Variants in CNOT1 observed in about 807,000 individuals in gnomAD.
CNOT1 encodes CCR4-NOT transcription complex subunit 1, also known as CCR4-associated factor 1.
Under a neutral mutation model 273.8 loss-of-function variants are expected in CNOT1, and 15 were observed. The observed-to-expected ratio is 0.05, with a 90% CI of 0.04 to 0.08. The LOEUF is 0.08. CNOT1 is among the 10% of genes least tolerant of loss of function. The pLI, the probability that CNOT1 is intolerant of heterozygous loss-of-function variation, is 1.00. For synonymous variants in CNOT1, 1,022 were observed against 1,005.5 expected (o/e 1.02, Z -0.31); for missense variants, 1,644 against 2,912.2 (o/e 0.56, Z 10.02).
chr16:58,608,959 CAGG>C (rs894636537), intron 1 of CNOT1, among the ~76,000 whole-genome samples: 3 of 152,116 alleles, frequency 2.0e-5, no homozygotes, highest in Non-Finnish European at 2.9e-5. Context: ...CTTGGGGATT[CAGG>C]AGGATTGGGG....
intron 39 of CNOT1, among the ~76,000 whole-genome samples, chr16:58,536,152 G>C (rs938859108): frequency 3.3e-5 from 5 of 152,110 alleles, no homozygotes; most frequent in African/African-American, 1.2e-4. Context: ...ATACCTAAAA[G>C]TTTTGGGTTC....
At position 58,538,860 on chromosome 16, in the gene CNOT1, G is replaced by A. The variant is rs1205775412; in HGVS notation, c.5047C>T (p.Arg1683Cys). The change falls in exon 36 of 49, where the codon CGC becomes TGC. Residue 1683 changes from arginine (R) to cysteine (C), a missense_variant. Around this residue, in one of 13 missense-constraint regions of CNOT1, gnomAD observed 170 missense variants for 273.1 expected, o/e 0.62. Coordinates refer to ENST00000317147, the MANE Select transcript of CNOT1 (RefSeq NM_016284.5). ...TSGADADLLL[R>C]YRECHLLVLK... ...ACCAAGAGGTGGCATTCCCTGTAGCGCAGCAGAAGGTCAGCATCAGCACCA... is the reference window on the plus strand; with the variant it reads ...ACCAAGAGGTGGCATTCCCTGTAGCACAGCAGAAGGTCAGCATCAGCACCA... 1.2e-6 allele frequency: 2 copies of A among 1,610,496 alleles called. No individual in the cohort carries two copies. Among genetic ancestry groups the A allele is most frequent in the Admixed American group, 1.7e-5 (1 of 59,340 alleles).
intron 2 of CNOT1, among the ~76,000 whole-genome samples, chr16:58,596,908 A>C (rs953530077): frequency 2.0e-5 from 3 of 148,024 alleles, no homozygotes; most frequent in African/African-American, 2.5e-5. Flanking sequence ...AAAAAAAAAA[A>C]AAAAAAAAAC....
intron 44 of CNOT1, among the ~76,000 whole-genome samples, chr16:58,526,385 A>G (rs1036759321): frequency 6.6e-6 from 1 of 152,020 alleles, no homozygotes; most frequent in Non-Finnish European, 1.5e-5. Context: ...GCAAAGGTCT[A>G]ATTTGCACAA....
chr16:58,542,178 C>T (rs2040113860), intron 33 of CNOT1, 53 bp downstream of exon 33: 1 of 1,597,502 alleles, frequency 6.3e-7, no homozygotes, highest in East Asian at 2.2e-5. Context: ...TCAACAACAA[C>T]ATTAAAAATA....
chr16:58,599,575 T>C lies in CNOT1; in HGVS notation c.-174-64A>G, dbSNP rs1278048860. 9 of 539,152 alleles carry C rather than the reference T, an allele frequency of 1.7e-5. No homozygotes were observed. The East Asian group carries it at 2.0e-4, about 12-fold the overall frequency. The allele number at this position is 539,152 out of a possible 1,614,324, so 33.4% of individuals were successfully genotyped here. On this transcript the variant is annotated intron_variant, in intron 1 of 48. Coordinates refer to ENST00000317147, the MANE Select transcript of CNOT1 (RefSeq NM_016284.5). The stretch of plus-strand genomic sequence containing the variant: ...AAATTAAAAGGAAAAAGGAGGCTGG[T>C]CCAGGCGCAGTGGTGTTTACAACTA...
chr16:58,528,488 G>C lies in CNOT1; in HGVS notation c.6440C>G (p.Thr2147Ser). Residue 2147 changes from threonine to serine, a missense_variant, in exon 44 of 49, where the codon ACT (threonine) becomes AGT (serine). By Grantham distance (58) the Thr-to-Ser change is moderately conservative (BLOSUM62 1). Transcript: ENST00000317147. ...TTGGAACCTTACCTTTAGATTAGGA[G>C]TGAATGGGTCGGGGAGCCTCATGTT... ...PRNMRLPDPF[T>S]PNLKVDMLSE... 1 of 1,612,586 alleles carries C rather than the reference G, an allele frequency of 6.2e-7. No homozygotes were observed. The highest frequency in any genetic ancestry group is 8.5e-7 in the Non-Finnish European group (1 of 1,178,958).
intron 1 of CNOT1, among the ~76,000 whole-genome samples, chr16:58,610,842 C>CA (rs1324572448): frequency 1.3e-5 from 2 of 151,432 alleles, no homozygotes; most frequent in Non-Finnish European, 2.9e-5. Flanking sequence ...GACTCCGTCT[C>CA]AAAAAAACAT....
At chr16:58,612,063 G>A (rs571006650) in intron 1 of CNOT1, among the ~76,000 whole-genome samples, 1 of 151,914 alleles carries the variant, frequency 6.6e-6, no homozygotes, top group South Asian at 2.1e-4. Context: ...AACACTCCTG[G>A]ACTCAAGTGA....
intron 2 of CNOT1, among the ~76,000 whole-genome samples, chr16:58,591,986 C>T (rs555573113): frequency 1.3e-5 from 2 of 152,150 alleles, no homozygotes; most frequent in South Asian, 2.1e-4. Flanking sequence ...TGTTTTACTA[C>T]AGCCATAAAT....
At chr16:58,626,829 AT>A (rs1332257536) in intron 1 of CNOT1, among the ~76,000 whole-genome samples, 8 of 151,648 alleles carry the variant, frequency 5.3e-5, no homozygotes, top group Non-Finnish European at 7.4e-5. Flanking sequence ...ATTTTGCAAA[AT>A]TTTTTTTTAA....
chr16:58,577,499 T>TTA (rs2041498908), intron 13 of CNOT1, among the ~76,000 whole-genome samples: 1 of 152,314 alleles, frequency 6.6e-6, no homozygotes, highest in South Asian at 2.1e-4. Flanking sequence ...ATAAAGAGCC[T>TTA]TATTTCACTA....
Position 58,558,537 on chromosome 16 carries a change from G to A in CNOT1, c.2268C>T (p.Pro756=), listed in dbSNP as rs138522200. ...TPQSPAKAFP[P]LSTPNQTTAF... is the part of the protein sequence containing the mutation. ...CAGTGGTCTGATTGGGGGTTGAAAGGGGTGGAAATGCTTTTGCTGGTGACT... is the reference window on the plus strand; with the variant it reads ...CAGTGGTCTGATTGGGGGTTGAAAGAGGTGGAAATGCTTTTGCTGGTGACT... The change falls in exon 18 of 49, where the codon CCC becomes CCT. Residue 756 remains proline, a synonymous_variant. Transcript: ENST00000317147. The A allele has an allele frequency of 6.2e-7, 1 of 1,613,726 alleles. No individual in the cohort carries two copies. The highest frequency in any genetic ancestry group is 1.3e-5 in the African/African-American group (1 of 75,010).
intron 46 of CNOT1, 120 bp from the exon 47 acceptor site, chr16:58,523,622 G>A: frequency 2.3e-6 from 2 of 880,948 alleles, no homozygotes; most frequent in South Asian, 2.2e-5. Flanking sequence ...TTGGTTTAAA[G>A]CAGTGGTTCT....
intron 2 of CNOT1, chr16:58,598,984 G>A: frequency 3.1e-6 from 1 of 320,994 alleles, no homozygotes; most frequent in Non-Finnish European, 6.0e-6. Context: ...CCAGGAGGCA[G>A]AGGATGCAGT....
Position 58,542,220 on chromosome 16 carries a change from C to T in CNOT1, c.4680+11G>A. On this transcript the variant is annotated intron_variant, in intron 33 of 48. Transcript: ENST00000317147. The stretch of plus-strand genomic sequence containing the variant: ...AGATGGGACGGGGAAAGACAGAGCC[C>T]CAATTCTCACTTTCAGCCTGATTTG... The T allele has an allele frequency of 1.2e-6, 2 of 1,612,974 alleles. No homozygotes were observed. The highest frequency in any genetic ancestry group is 1.7e-6 in the Non-Finnish European group (2 of 1,179,768).
At chr16:58,555,705 G>A (rs1445634159) in intron 20 of CNOT1, 79 bp downstream of exon 20, 37 of 1,587,974 alleles carry the variant, frequency 2.3e-5, no homozygotes, top group Non-Finnish European at 6.8e-6. Context: ...CTTTGAGCTG[G>A]ATTTCTAAAA....
intron 4 of CNOT1, 26 bp downstream of exon 4, chr16:58,587,754 C>T (rs1251251005): frequency 2.5e-6 from 4 of 1,608,900 alleles, no homozygotes; most frequent in Admixed American, 3.4e-5. Flanking sequence ...AGAGATCACA[C>T]TCTTAAAGAT....
Position 58,587,853 on chromosome 16 carries a change from G to T in CNOT1, c.236C>A (p.Ala79Glu). ...HQTQFLIQEC[A>E]LLITKPNFIS... is the part of the protein sequence containing the mutation. ...AAAATTTGGCTTTGTAATCAGCAAC[G>T]CACACTCCTGAATCAGAAACTGAGT... Residue 79 changes from alanine to glutamate, a missense_variant, in exon 4 of 49, where the codon GCG becomes GAG. Transcript: ENST00000317147. 7 of 1,613,542 alleles carry T rather than the reference G, an allele frequency of 4.3e-6. No individual in the cohort carries two copies. The highest frequency in any genetic ancestry group is 5.9e-6 in the Non-Finnish European group (7 of 1,179,996).
Sources: allele counts gnomAD v4.1 joint callset (sites outside exome capture counted in the v4.1 genomes callset), GRCh38; gene constraint gnomAD v4.1.1; regional missense constraint gnomAD v4.1.1; transcripts MANE v1.5; gene names NCBI Gene and HGNC (gene_info 2026-07-23, HGNC 2026-07-21).